Variants in RPL39L observed in about 807,000 individuals in gnomAD.
The protein encoded by RPL39L is ribosomal protein eL39-like 2.
For missense variants in RPL39L, 48 were observed against 58.9 expected (o/e 0.81, Z 0.61); for synonymous variants, 16 against 20.1 (o/e 0.80, Z 0.55).
intron 2 of RPL39L, among the ~76,000 whole-genome samples, chr3:187,126,818 C>G (rs549457953): frequency 6.6e-6 from 1 of 152,088 alleles, no homozygotes; most frequent in Non-Finnish European, 1.5e-5. Context: ...AAAACAAAAC[C>G]CTGGGTTCAT....
chr3:187,121,999 A>G (rs1011388250), intron 2 of RPL39L, among the ~76,000 whole-genome samples: 1 of 152,238 alleles, frequency 6.6e-6, no homozygotes, highest in Non-Finnish European at 1.5e-5. Flanking sequence ...GAAACCTATA[A>G]AACAAGTAAT....
In RPL39L at chr3:187,129,939, A is replaced by T. The variant is rs559217422; in HGVS notation, c.-92-1877T>A. 3.3e-5 allele frequency among the ~76,000 whole-genome samples: 5 copies of T among 151,620 alleles called. No homozygotes were observed. The South Asian group carries it at 1.0e-3, about 31-fold the overall frequency. ...AGAGCTGTATTGTATCATCTAGGTC[A>T]CCCAGTAGGTATAGAGAGGACATTA... On this transcript the variant is annotated intron_variant, in intron 1 of 2. Transcript: ENST00000296277.
At chr3:187,122,942 A>G (rs1215281601) in intron 2 of RPL39L, among the ~76,000 whole-genome samples, 1 of 152,254 alleles carries the variant, frequency 6.6e-6, no homozygotes, top group African/African-American at 2.4e-5. Flanking sequence ...GAAAATTTAA[A>G]AAAGAGAAAA....
chr3:187,136,916 A>T (rs1164189218), intron 1 of RPL39L, among the ~76,000 whole-genome samples: 1 of 152,134 alleles, frequency 6.6e-6, no homozygotes, highest in Non-Finnish European at 1.5e-5. Flanking sequence ...ATTAAAAAGG[A>T]GACTTTAGGC....
intron 1 of RPL39L, among the ~76,000 whole-genome samples, chr3:187,137,441 C>T (rs925512757): frequency 2.0e-5 from 3 of 151,754 alleles, no homozygotes; most frequent in Non-Finnish European, 4.4e-5. Context: ...ACCCGGGAGG[C>T]GGAGGCTGCA....
At chr3:187,126,269 C>A (rs1433432508) in intron 2 of RPL39L, among the ~76,000 whole-genome samples, 1 of 151,630 alleles carries the variant, frequency 6.6e-6, no homozygotes, top group East Asian at 1.9e-4. Context: ...TCAAGCAATT[C>A]TCCTGCCTCA....
chr3:187,120,970 ATATT>A lies in RPL39L; in HGVS notation c.*171_*174del, dbSNP rs1720296430. On this transcript the variant is annotated 3_prime_UTR_variant, in exon 3 of 3. Coordinates refer to ENST00000296277, the MANE Select transcript of RPL39L (RefSeq NM_052969.3). ...ACATTTTTGAAACAAAAGCTTTCACATATTTATTACTGAATCCACCCTACTAGCA... is the reference window on the plus strand; with the variant it reads ...ACATTTTTGAAACAAAAGCTTTCACATATTACTGAATCCACCCTACTAGCA... 3 of 676,196 alleles carry A rather than the reference ATATT, an allele frequency of 4.4e-6. No homozygotes were observed. The highest frequency in any genetic ancestry group is 7.5e-6 in the Non-Finnish European group (3 of 399,228). 41.9% of individuals were successfully genotyped at this position (676,196 alleles called of 1,614,324 possible). A position where few individuals can be genotyped will look rare whatever the true frequency, so the allele number is the denominator to read the frequency against.
chr3:187,133,109 C>T (rs1253630586), intron 1 of RPL39L, among the ~76,000 whole-genome samples: 4 of 152,162 alleles, frequency 2.6e-5, no homozygotes, highest in Admixed American at 2.6e-4. Context: ...GTCTCTCTTC[C>T]ATGATCTCTA....
intron 1 of RPL39L, among the ~76,000 whole-genome samples, chr3:187,132,163 T>G (rs995938635): frequency 2.0e-5 from 3 of 152,244 alleles, no homozygotes; most frequent in Non-Finnish European, 2.9e-5. Context: ...CCAGAGGTAT[T>G]GCCCATGGTA....
At chr3:187,134,481 G>GAAAAAAAAAAAA (rs1159744168) in intron 1 of RPL39L, among the ~76,000 whole-genome samples, 1 of 73,502 alleles carries the variant, frequency 1.4e-5, no homozygotes, top group African/African-American at 1.3e-4. Flanking sequence ...TAGCCTGACT[G>GAAAAAAAAAAAA]ATAAAAAAAA....
chr3:187,129,196 A>G (rs912489987), intron 1 of RPL39L, among the ~76,000 whole-genome samples: 1 of 152,238 alleles, frequency 6.6e-6, no homozygotes, highest in Non-Finnish European at 1.5e-5. Context: ...TCAAGATAAT[A>G]TAGCTCAGGA....
At chr3:187,124,651 A>G (rs1431532952) in intron 2 of RPL39L, among the ~76,000 whole-genome samples, 2 of 152,188 alleles carry the variant, frequency 1.3e-5, no homozygotes, top group East Asian at 1.9e-4. Context: ...ATTCTTTAAC[A>G]TCTATGCTGA....
chr3:187,135,470 T>C (rs1024051524), intron 1 of RPL39L, among the ~76,000 whole-genome samples: 4 of 152,196 alleles, frequency 2.6e-5, no homozygotes, highest in Admixed American at 1.3e-4. Flanking sequence ...ACAAGCTCTC[T>C]GTTTGCCTGC....
chr3:187,126,624 A>T (rs1002845134), intron 2 of RPL39L, among the ~76,000 whole-genome samples: 1 of 152,234 alleles, frequency 6.6e-6, no homozygotes, highest in African/African-American at 2.4e-5. Context: ...TATATTTCAA[A>T]TAATATTTTA....
At chr3:187,135,381 G>A (rs904106370) in intron 1 of RPL39L, among the ~76,000 whole-genome samples, 11 of 152,116 alleles carry the variant, frequency 7.2e-5, no homozygotes, top group African/African-American at 2.2e-4. Context: ...TCATGAGGGC[G>A]GGTCTTTCCC....
chr3:187,131,523 G>C (rs1373401705), intron 1 of RPL39L, among the ~76,000 whole-genome samples: 2 of 152,184 alleles, frequency 1.3e-5, no homozygotes, highest in South Asian at 2.1e-4. Context: ...GAGACAGAGA[G>C]AGACTCCTTC....
intron 2 of RPL39L, among the ~76,000 whole-genome samples, chr3:187,127,432 T>C (rs893333570): frequency 6.6e-6 from 1 of 152,242 alleles, no homozygotes; most frequent in Non-Finnish European, 1.5e-5. Flanking sequence ...CAGGTAAAGA[T>C]AGTGGTCACC....
Position 187,139,280 on chromosome 3 carries a change from C to A in RPL39L, c.-160G>T, listed in dbSNP as rs1720646541. ...TCTCGATCTGCAAGGGCCTGGGGCG[C>A]GGGCGGAAAAGGCGGGCCCAGCTCC... On this transcript the variant is annotated 5_prime_UTR_variant, in exon 1 of 3. Transcript: ENST00000296277. 1 of 152,330 alleles carries A rather than the reference C, an allele frequency of 6.6e-6. No homozygotes were observed. The highest frequency in any genetic ancestry group is 1.9e-4 in the East Asian group (1 of 5,188). 9.4% of individuals were successfully genotyped at this position (152,330 alleles called of 1,614,324 possible). A position where few individuals can be genotyped will look rare whatever the true frequency, so the allele number is the denominator to read the frequency against.
intron 1 of RPL39L, among the ~76,000 whole-genome samples, chr3:187,131,711 T>G (rs1720487829): frequency 1.3e-5 from 2 of 152,180 alleles, no homozygotes; most frequent in Admixed American, 1.3e-4. Flanking sequence ...CATCATAAGG[T>G]TGTTATAAAG....
Sources: allele counts gnomAD v4.1 joint callset (sites outside exome capture counted in the v4.1 genomes callset), GRCh38; gene constraint gnomAD v4.1.1; transcripts MANE v1.5; gene names NCBI Gene and HGNC (gene_info 2026-07-23, HGNC 2026-07-21).